Variants in DSCAM observed in about 807,000 individuals in gnomAD.
The protein encoded by DSCAM is DS cell adhesion molecule.
In DSCAM, 47 loss-of-function variants were observed where a neutral mutation model predicts 217.7. That is an observed-to-expected ratio of 0.22 (90% CI 0.17 to 0.28). The LOEUF (loss-of-function observed/expected upper bound fraction) is 0.28, where lower values mean the gene tolerates loss of function less well. Among genes scored for constraint, DSCAM ranks in the 10% least tolerant of loss-of-function variants. The probability of loss-of-function intolerance (pLI) is 1.00; values close to 1 mark genes in which losing one functional copy is unlikely to be tolerated. For synonymous variants in DSCAM, 1,056 were observed against 1,015.3 expected, an observed-to-expected ratio of 1.04 and a Z score of -0.76; for missense variants, 2,080 against 2,618.3, an observed-to-expected ratio of 0.79 and a Z score of 4.49.
intron 29 of DSCAM, among the ~76,000 whole-genome samples, chr21:40,053,342 C>T (rs1375268878): frequency 6.6e-6 from 1 of 152,184 alleles, no homozygotes; most frequent in Non-Finnish European, 1.5e-5. Context: ...CCGTGGCGGT[C>T]ACTCGACTCC....
chr21:40,503,923 A>T (rs928517433), intron 3 of DSCAM, among the ~76,000 whole-genome samples: 18 of 152,208 alleles, frequency 1.2e-4, no homozygotes, highest in Admixed American at 1.0e-3. Flanking sequence ...ATGGGTTATC[A>T]TTGTAGTTGG....
rs753205496 is a variant in DSCAM, at chr21:40,347,831, T to C, written c.1049A>G (p.Asn350Ser). The C allele has an allele frequency of 1.9e-6, 3 of 1,614,186 alleles. No individual in the cohort carries two copies. The highest frequency in any genetic ancestry group is 2.5e-6 in the Non-Finnish European group (3 of 1,180,018). ...TTTTCCAGGGTTGAGGATTTCACCA[T>C]TGCGGTACCAGGAGAGTTCCTGGTC... ...TEDQELSWYR[N>S]GEILNPGKNV... Residue 350 changes from asparagine to serine, a missense_variant, in exon 6 of 33, where the codon AAT (asparagine) becomes AGT (serine). Asn to Ser is a conservative substitution (Grantham distance 46, BLOSUM62 1). This residue lies in a region of DSCAM where 568 missense variants were observed against 678.1 expected (regional missense o/e 0.84). Transcript: ENST00000400454.
rs572148681 is a variant in DSCAM at position 40,637,438 on chromosome 21, A to AATAT, written c.508+55368_508+55371dup. On this transcript the variant is annotated intron_variant, in intron 3 of 32. Coordinates refer to ENST00000400454, the MANE Select transcript of DSCAM (RefSeq NM_001389.5). ...ATATATATATAAATATATAAATATAAATATATATATAAATATATACAAATA... is the reference window on the plus strand; with the variant it reads ...ATATATATATAAATATATAAATATAAATATATATATATATAAATATATACAAATA... 1.3e-4 allele frequency among the ~76,000 whole-genome samples: 2 copies of AATAT among 15,806 alleles called. 1 individual carries two copies. The highest frequency in any genetic ancestry group is 2.0e-4 in the Non-Finnish European group (2 of 10,192). The allele number at this position is 15,806 out of a possible 152,430, so 10.4% of individuals were successfully genotyped here.
At chr21:40,707,095 G>T (rs1443362059) in intron 2 of DSCAM, among the ~76,000 whole-genome samples, 1 of 152,188 alleles carries the variant, frequency 6.6e-6, no homozygotes, top group African/African-American at 2.4e-5. Flanking sequence ...ACAGGAGTAA[G>T]CATTTCATTC....
intron 3 of DSCAM, among the ~76,000 whole-genome samples, chr21:40,669,528 T>C (rs1245624497): frequency 6.6e-6 from 1 of 152,162 alleles, no homozygotes; most frequent in African/African-American, 2.4e-5. Context: ...CACCAAAGTG[T>C]TAAAGAATAT....
chr21:40,684,102 T>A (rs1242596808), intron 3 of DSCAM, among the ~76,000 whole-genome samples: 1 of 149,308 alleles, frequency 6.7e-6, no homozygotes, highest in African/African-American at 2.5e-5. Flanking sequence ...CAGGTGCCTG[T>A]AGTCCCAGCT....
chr21:40,512,216 C>T (rs892291162), intron 3 of DSCAM, among the ~76,000 whole-genome samples: 2 of 152,076 alleles, frequency 1.3e-5, no homozygotes, highest in African/African-American at 4.8e-5. Context: ...CCTTGCCCAT[C>T]TTATCCTGAG....
intron 3 of DSCAM, among the ~76,000 whole-genome samples, chr21:40,413,483 T>C (rs2075341916): frequency 6.6e-6 from 1 of 152,224 alleles, no homozygotes; most frequent in Admixed American, 6.5e-5. Context: ...AGCTTTAAGA[T>C]TTGACTGCCC....
intron 10 of DSCAM, among the ~76,000 whole-genome samples, chr21:40,293,095 T>C (rs889558232): frequency 6.6e-5 from 10 of 152,112 alleles, no homozygotes; most frequent in South Asian, 2.1e-4. Context: ...CATTCAACAA[T>C]AGTGTTGGAG....
intron 3 of DSCAM, among the ~76,000 whole-genome samples, chr21:40,674,294 G>GA (rs2146407655): frequency 6.6e-6 from 1 of 152,258 alleles, no homozygotes; most frequent in Admixed American, 6.5e-5. Flanking sequence ...ATAACCAACA[G>GA]AAAAATGCTT....
At chr21:40,827,250 C>A (rs2091976074) in intron 1 of DSCAM, among the ~76,000 whole-genome samples, 1 of 151,904 alleles carries the variant, frequency 6.6e-6, no homozygotes. Flanking sequence ...AAACGTGGCC[C>A]ATGTGTGGTG....
chr21:40,307,239 A>T (rs926856524), intron 9 of DSCAM, among the ~76,000 whole-genome samples: 1 of 150,732 alleles, frequency 6.6e-6, no homozygotes, highest in Admixed American at 6.6e-5. Context: ...ATTTACAAGA[A>T]AAAAAAAACA....
chr21:40,235,857 C>T (rs1038862864), intron 11 of DSCAM, among the ~76,000 whole-genome samples: 21 of 151,842 alleles, frequency 1.4e-4, no homozygotes, highest in Non-Finnish European at 2.9e-4. Flanking sequence ...ATGCAATAAA[C>T]GTATGTTTGT....
chr21:40,794,478 T>C (rs1252845016), intron 1 of DSCAM, among the ~76,000 whole-genome samples: 2 of 151,696 alleles, frequency 1.3e-5, no homozygotes, highest in Non-Finnish European at 2.9e-5. Context: ...AACTTTGTTT[T>C]GCGATATACT....
At chr21:40,288,488 TAA>T (rs1406626182) in intron 10 of DSCAM, among the ~76,000 whole-genome samples, 1 of 151,870 alleles carries the variant, frequency 6.6e-6, no homozygotes, top group African/African-American at 2.4e-5. Context: ...TTTTGAAAAA[TAA>T]AAGTCACAAG....
intron 3 of DSCAM, among the ~76,000 whole-genome samples, chr21:40,454,585 A>G (rs1472281536): frequency 1.3e-5 from 2 of 152,222 alleles, no homozygotes; most frequent in Non-Finnish European, 2.9e-5. Flanking sequence ...GAAGTGTTTA[A>G]TAGCTGCAGA....
chr21:40,422,157 CT>C (rs570543007), intron 3 of DSCAM, among the ~76,000 whole-genome samples: 8 of 152,342 alleles, frequency 5.3e-5, no homozygotes, highest in African/African-American at 1.9e-4. Context: ...ACAGATAAGA[CT>C]TCAGAATCCT....
intron 1 of DSCAM, among the ~76,000 whole-genome samples, chr21:40,718,779 C>A (rs1000021563): frequency 6.6e-6 from 1 of 151,980 alleles, no homozygotes; most frequent in African/African-American, 2.4e-5. Flanking sequence ...AGATTTGTAC[C>A]CAAAATACAT....
chr21:40,618,577 A>G (rs987665214), intron 3 of DSCAM: 1 of 152,162 alleles, frequency 6.6e-6, no homozygotes, highest in Non-Finnish European at 1.5e-5. Flanking sequence ...AAATAATATA[A>G]TAAGTTCCTA....
Sources: allele counts gnomAD v4.1 joint callset (sites outside exome capture counted in the v4.1 genomes callset), GRCh38; gene constraint gnomAD v4.1.1; regional missense constraint gnomAD v4.1.1; transcripts MANE v1.5; gene names NCBI Gene and HGNC (gene_info 2026-07-23, HGNC 2026-07-21).